The following WWP1 variants were observed in gnomAD, a reference collection of about 807,000 sequenced individuals.
WWP1 encodes the protein WW domain containing E3 ubiquitin protein ligase 1, also known as NEDD4-like E3 ubiquitin-protein ligase WWP1.
Under a neutral mutation model 130.6 loss-of-function variants are expected in WWP1, and 49 were observed. The ratio of observed to expected loss-of-function variants is 0.38; its 90% confidence interval spans 0.30 to 0.48. The LOEUF is 0.48. WWP1 is among the 20% of genes least tolerant of loss of function. WWP1 has a pLI of 0.99. For missense variants in WWP1, 809 were observed against 1,100.6 expected (o/e 0.74, Z 3.75); for synonymous variants, 332 against 367.8 (o/e 0.90, Z 1.11).
intron 20 of WWP1, among the ~76,000 whole-genome samples, chr8:86,449,391 G>T (rs1437668733): frequency 6.6e-6 from 1 of 152,184 alleles, no homozygotes; most frequent in Non-Finnish European, 1.5e-5. Context: ...TCACCTCTGT[G>T]GTATAGTGCA....
At chr8:86,404,074 C>G (rs1808146660) in intron 8 of WWP1, among the ~76,000 whole-genome samples, 1 of 152,170 alleles carries the variant, frequency 6.6e-6, no homozygotes, top group Non-Finnish European at 1.5e-5. Context: ...ATCTGAAATG[C>G]TCCAAAATCT....
intron 2 of WWP1, among the ~76,000 whole-genome samples, chr8:86,369,876 A>G (rs1419706619): frequency 6.6e-6 from 1 of 152,074 alleles, no homozygotes; most frequent in Non-Finnish European, 1.5e-5. Context: ...TACTGTATCT[A>G]CTTCCGTGCC....
intron 8 of WWP1, among the ~76,000 whole-genome samples, chr8:86,407,559 G>A (rs1434379769): frequency 1.3e-5 from 2 of 152,110 alleles, no homozygotes; most frequent in Non-Finnish European, 2.9e-5. Context: ...TGTCTTTGGC[G>A]GTGGGGAGAG....
At chr8:86,376,575 AAAAG>A (rs1211351010) in intron 3 of WWP1, among the ~76,000 whole-genome samples, 3 of 151,082 alleles carry the variant, frequency 2.0e-5, no homozygotes, top group Non-Finnish European at 3.0e-5. Flanking sequence ...TCTCAAAAAA[AAAAG>A]AAAGAAAAAG....
intron 1 of WWP1, 89 bp from the exon 2 acceptor site, chr8:86,368,850 A>C (rs183964094): frequency 6.6e-6 from 1 of 152,136 alleles, no homozygotes; most frequent in African/African-American, 2.4e-5. Context: ...TGGATTATCT[A>C]CTTTCTCTTG....
At chr8:86,401,942 G>A in intron 7 of WWP1, 77 bp from the exon 8 acceptor site, 1 of 1,309,358 alleles carries the variant, frequency 7.6e-7, no homozygotes, top group Non-Finnish European at 1.0e-6. Context: ...AGAGAATTTA[G>A]TAAATCCTAT....
intron 5 of WWP1, 106 bp from the exon 6 acceptor site, chr8:86,398,236 C>G (rs1468369445): frequency 7.8e-7 from 1 of 1,289,456 alleles, no homozygotes; most frequent in Non-Finnish European, 1.1e-6. Flanking sequence ...GAATTCCTTC[C>G]AAATGTCAAG....
chr8:86,424,439 GA>G (rs1809468775), intron 9 of WWP1, among the ~76,000 whole-genome samples: 1 of 152,046 alleles, frequency 6.6e-6, no homozygotes, highest in Non-Finnish European at 1.5e-5. Flanking sequence ...GGCACTTTGG[GA>G]GGCCAAGGCA....
intron 24 of WWP1, among the ~76,000 whole-genome samples, chr8:86,462,769 TGTG>T (rs939180171): frequency 1.7e-4 from 26 of 152,270 alleles, no homozygotes; most frequent in African/African-American, 5.3e-4. Context: ...AATTTCTGCT[TGTG>T]GTGCAAAAGC....
At chr8:86,419,979 G>A (rs1809107010) in intron 9 of WWP1, among the ~76,000 whole-genome samples, 1 of 152,176 alleles carries the variant, frequency 6.6e-6, no homozygotes, top group Non-Finnish European at 1.5e-5. Flanking sequence ...TCTGTATCCA[G>A]CCACACTGTT....
At chr8:86,444,381 A>G (rs968473874) in intron 18 of WWP1, among the ~76,000 whole-genome samples, 3 of 152,210 alleles carry the variant, frequency 2.0e-5, no homozygotes, top group Admixed American at 2.0e-4. Flanking sequence ...TTGGAGGTAT[A>G]AGTCTGGCAA....
intron 3 of WWP1, 52 bp downstream of exon 3, chr8:86,374,172 G>C (rs530035976): frequency 1.1e-5 from 16 of 1,410,142 alleles, no homozygotes; most frequent in Non-Finnish European, 1.6e-5. Flanking sequence ...CTTTTCTTTT[G>C]AATACCTAAT....
intron 5 of WWP1, among the ~76,000 whole-genome samples, chr8:86,389,827 T>C (rs958037484): frequency 7.1e-6 from 1 of 140,950 alleles, no homozygotes; most frequent in Non-Finnish European, 1.5e-5. Flanking sequence ...GCTGGCGGGG[T>C]GGGGGCTGCC....
intron 14 of WWP1, among the ~76,000 whole-genome samples, chr8:86,434,790 C>T (rs1810196381): frequency 6.6e-6 from 1 of 152,174 alleles, no homozygotes. Context: ...TAAGTGAATT[C>T]ACTTGAACCT....
At position 86,412,591 on chromosome 8, in the gene WWP1, T is replaced by C. The variant is rs140462816; in HGVS notation, c.1061+717T>C. On this transcript the variant is annotated intron_variant, in intron 9 of 24. Coordinates refer to ENST00000517970, the MANE Select transcript of WWP1 (RefSeq NM_007013.4). ...TGGACACGTGCTTTCCAACACAGTTTACAGTGATCAGAATGTCAACTGTTG... is the reference window on the plus strand; with the variant it reads ...TGGACACGTGCTTTCCAACACAGTTCACAGTGATCAGAATGTCAACTGTTG... Among the ~76,000 whole-genome samples the C allele has an allele frequency of 5.6e-3, 846 of 152,268 alleles. 25 individuals are homozygous for C. The highest frequency in any genetic ancestry group is 0.041 in the Admixed American group (633 of 15,292).
At chr8:86,391,396 C>T (rs1420234595) in intron 5 of WWP1, among the ~76,000 whole-genome samples, 2 of 152,146 alleles carry the variant, frequency 1.3e-5, no homozygotes, top group Non-Finnish European at 2.9e-5. Flanking sequence ...AATTTTTTGG[C>T]TCTGCGGAGA....
intron 22 of WWP1, among the ~76,000 whole-genome samples, chr8:86,458,283 G>A (rs866974397): frequency 1.3e-5 from 2 of 152,092 alleles, no homozygotes; most frequent in South Asian, 2.1e-4. Context: ...AGTTGTAGGC[G>A]TAGCAATTTT....
intron 18 of WWP1, among the ~76,000 whole-genome samples, chr8:86,445,568 C>G (rs188790079): frequency 6.6e-6 from 1 of 152,196 alleles, no homozygotes; most frequent in Non-Finnish European, 1.5e-5. Flanking sequence ...TTGATGGGCA[C>G]CTGGATTTAT....
At chr8:86,360,439 C>T (rs1486403130) in intron 1 of WWP1, among the ~76,000 whole-genome samples, 1 of 152,172 alleles carries the variant, frequency 6.6e-6, no homozygotes, top group Non-Finnish European at 1.5e-5. Context: ...TTCCTCACCC[C>T]TTTTCATAGT....
Sources: allele counts gnomAD v4.1 joint callset (sites outside exome capture counted in the v4.1 genomes callset), GRCh38; gene constraint gnomAD v4.1.1; transcripts MANE v1.5; gene names NCBI Gene and HGNC (gene_info 2026-07-23, HGNC 2026-07-21).